Variants in POLR2F observed in about 807,000 individuals in gnomAD.
POLR2F encodes the protein DNA-directed RNA polymerases I, II, and III subunit RPABC2.
In POLR2F, 12 loss-of-function variants were observed where a neutral mutation model predicts 22.7. The observed-to-expected ratio is 0.53, with a 90% CI of 0.34 to 0.86. POLR2F has a LOEUF of 0.86. Ranked by LOEUF, POLR2F falls within the 40% of genes least tolerant of loss-of-function variation. The pLI, the probability that POLR2F is intolerant of heterozygous loss-of-function variation, is 0.02. For synonymous variants in POLR2F, 57 were observed against 66.0 expected (o/e 0.86, Z 0.66); for missense variants, 126 against 171.5 (o/e 0.73, Z 1.48).
chr22:37,986,231 C>T lies in POLR2F; in HGVS notation c.41C>T (p.Ser14Leu), dbSNP rs1246203243. 6 of 1,541,208 alleles carry T rather than the reference C, an allele frequency of 3.9e-6. No homozygotes were observed. Among genetic ancestry groups the T allele is most frequent in the South Asian group, 2.4e-5 (2 of 84,080 alleles). The change falls in exon 1 of 3, where the codon TCG becomes TTG. Residue 14 changes from serine to leucine, a missense_variant. Transcript: ENST00000333418. This position sits in a 1 kb window ranked among gnomAD's most constrained non-coding sequence, Gnocchi z 4.7. ...GGGACGAGGGACGAGCATCTGCCGT[C>T]GTGTCCCGGCTGCCCTGCAGTCGCC... is the stretch of plus-strand genomic sequence containing the variant.
chr22:38,021,248 G>T (rs1324045946), intron 1 of POLR2F, among the ~76,000 whole-genome samples: 1 of 152,194 alleles, frequency 6.6e-6, no homozygotes, highest in Non-Finnish European at 1.5e-5. Flanking sequence ...CAGGGACGGT[G>T]CGTATGTGTT....
chr22:38,038,011 C>T (rs113948163), intron 5 of POLR2F, among the ~76,000 whole-genome samples: 4 of 151,946 alleles, frequency 2.6e-5, no homozygotes, highest in African/African-American at 9.7e-5. Context: ...GTACCCTAAG[C>T]ACAGTAGGTG....
At chr22:37,957,192 C>T (rs576280260) in intron 2 of POLR2F, among the ~76,000 whole-genome samples, 1 of 152,292 alleles carries the variant, frequency 6.6e-6, no homozygotes, top group Admixed American at 6.5e-5. Flanking sequence ...AAGAGGTAAG[C>T]AGGGCTCAGA....
At chr22:38,029,216 C>G (rs2085043159), downstream of POLR2F, among the ~76,000 whole-genome samples, 1 of 152,124 alleles carries the variant, frequency 6.6e-6, no homozygotes, top group South Asian at 2.1e-4. Context: ...ATCACAGAAT[C>G]CCAGAATAGG....
At position 37,986,275 on chromosome 22, in the gene POLR2F, C is replaced by A. The variant is rs1315519102; in HGVS notation, c.85C>A (p.Pro29Thr). ...AGTCGCCTCCAACACCCGCTGCTGC[C>A]CGCCCGCTGCCTGCCTGCCTGGCAT... The change falls in exon 1 of 3, where the codon CCG becomes ACG. Residue 29 changes from proline to threonine, a missense_variant. Coordinates refer to the POLR2F transcript ENST00000333418. The surrounding 1 kb of genome is among the most constrained non-coding windows in gnomAD (Gnocchi z 4.7). 1.3e-6 allele frequency: 2 copies of A among 1,538,912 alleles called. No homozygotes were observed. The highest frequency in any genetic ancestry group is 1.2e-5 in the South Asian group (1 of 84,020).
chr22:37,982,338 C>G (rs1462651661), upstream of POLR2F, among the ~76,000 whole-genome samples: 2 of 152,186 alleles, frequency 1.3e-5, no homozygotes, highest in Admixed American at 6.5e-5. Context: ...GTGACTGCTA[C>G]CGGCTCACAT....
intron 1 of POLR2F, among the ~76,000 whole-genome samples, chr22:37,995,796 C>G (rs2084707265): frequency 6.6e-6 from 1 of 151,096 alleles, no homozygotes; most frequent in African/African-American, 2.4e-5. Context: ...AACCCCCTTT[C>G]TACTTGTTAT....
In POLR2F at chr22:37,986,626, C is replaced by T. The variant is rs759175798; in HGVS notation, c.120+314C>T. 2 of 655,834 alleles carry T rather than the reference C, an allele frequency of 3.0e-6. No homozygotes were observed. Among genetic ancestry groups the T allele is most frequent in the East Asian group, 3.1e-5 (1 of 32,090 alleles). 40.6% of individuals were successfully genotyped at this position (655,834 alleles called of 1,614,324 possible). ...ACTCCCTCTCTCTCTCCCTTGTCCC[C>T]GCACAGACACTGCCTTCCTCTCAGG... On this transcript the variant is annotated intron_variant, in intron 1 of 2. Coordinates refer to the POLR2F transcript ENST00000333418. This position sits in a 1 kb window ranked among gnomAD's most constrained non-coding sequence, Gnocchi z 4.7.
chr22:38,030,279 G>A (rs894269748), downstream of POLR2F, among the ~76,000 whole-genome samples: 1 of 152,108 alleles, frequency 6.6e-6, no homozygotes, highest in African/African-American at 2.4e-5. Context: ...CCAGGAGTCG[G>A]GCCCTCTGGA....
chr22:37,960,690 C>T (rs1025213953), intron 3 of POLR2F, among the ~76,000 whole-genome samples: 6 of 152,184 alleles, frequency 3.9e-5, no homozygotes, highest in East Asian at 1.9e-4. Context: ...CGTGAGCCAC[C>T]GTGCCCGGCT....
At chr22:37,954,390 C>T (rs1259820437) in intron 1 of POLR2F, among the ~76,000 whole-genome samples, 2 of 152,014 alleles carry the variant, frequency 1.3e-5, no homozygotes, top group Admixed American at 6.6e-5. Context: ...GCAGCCTCCA[C>T]CTCCGGGGTT....
intron 5 of POLR2F, among the ~76,000 whole-genome samples, chr22:38,038,586 G>C (rs898573911): frequency 6.6e-6 from 1 of 152,134 alleles, no homozygotes; most frequent in African/African-American, 2.4e-5. Flanking sequence ...GCGCCCATGG[G>C]GTTAAATCTC....
At chr22:38,000,157 T>C (rs372473503) in intron 1 of POLR2F, among the ~76,000 whole-genome samples, 16 of 152,294 alleles carry the variant, frequency 1.1e-4, no homozygotes, top group Admixed American at 2.6e-4. Context: ...GCAGGCACAG[T>C]GTGTGCAGCC....
Position 37,967,138 on chromosome 22 carries a change from A to G in POLR2F, c.261A>G (p.Thr87=), listed in dbSNP as rs1419758066. 1.2e-6 allele frequency: 2 copies of G among 1,613,664 alleles called. No individual in the cohort carries two copies. Among genetic ancestry groups the G allele is most frequent in the Admixed American group, 1.7e-5 (1 of 59,944 alleles). Residue 87 remains threonine, a synonymous_variant, in exon 4 of 5, where the codon ACA becomes ACG. Transcript: ENST00000442738. The part of the protein sequence containing the change: ...APVMVELEGE[T]DPLLIAMKEL... The stretch of plus-strand genomic sequence containing the variant: ...TGATGGTGGAGCTGGAGGGGGAGAC[A>G]GATCCTCTGCTCATTGCCATGAAGG...
Position 37,997,682 on chromosome 22 carries a change from T to G in POLR2F, c.120+11370T>G, listed in dbSNP as rs2084728061. On this transcript the variant is annotated intron_variant, in intron 1 of 2. Transcript: ENST00000333418. This position sits in a 1 kb window ranked among gnomAD's most constrained non-coding sequence, Gnocchi z 4.4. The stretch of plus-strand genomic sequence containing the variant: ...AGGACACCCGGCTCTGTCCCCTGCA[T>G]GCCCTGGGTCACCCTGCCCCTCCCT... 6.6e-6 allele frequency among the ~76,000 whole-genome samples: 1 copy of G among 152,090 alleles called. No individual in the cohort carries two copies. Among genetic ancestry groups the G allele is most frequent in the Non-Finnish European group, 1.5e-5 (1 of 68,012 alleles).
At chr22:37,986,188 C>T, upstream of POLR2F, 6 of 1,542,440 alleles carry the variant, frequency 3.9e-6, no homozygotes, top group Non-Finnish European at 5.2e-6. This position sits in a 1 kb window ranked among gnomAD's most constrained non-coding sequence, Gnocchi z 4.7. Flanking sequence ...CGGAGAGGAG[C>T]CGCCCTGGAT....
chr22:37,999,853 G>T (rs1054600649), intron 1 of POLR2F, among the ~76,000 whole-genome samples: 2 of 152,186 alleles, frequency 1.3e-5, no homozygotes, highest in Admixed American at 6.5e-5. Context: ...GCCAACCACT[G>T]TGTGTTGTTA....
At chr22:38,021,528 C>T (rs534853075) in intron 1 of POLR2F, among the ~76,000 whole-genome samples, 2 of 152,206 alleles carry the variant, frequency 1.3e-5, no homozygotes, top group Admixed American at 6.5e-5. Flanking sequence ...GCGATCATGG[C>T]TCTCTGCAGC....
intron 1 of POLR2F, among the ~76,000 whole-genome samples, chr22:37,998,318 C>T (rs548575851): frequency 6.6e-6 from 1 of 152,380 alleles, no homozygotes; most frequent in South Asian, 2.1e-4. Context: ...TGTTAACTCC[C>T]TCAAGGCCAG....
Sources: gnomAD v4.1 joint callset for allele counts (sites outside exome capture counted in the v4.1 genomes callset) on GRCh38, gnomAD v4.1.1 for gene constraint, Gnocchi (gnomAD v3.1) non-coding constraint, MANE v1.5 for transcripts, NCBI Gene and HGNC (gene_info 2026-07-23, HGNC 2026-07-21) for gene names.